ADGRB3: variants seen among roughly 807,000 people sequenced by gnomAD.
The protein encoded by ADGRB3 is adhesion G protein-coupled receptor B3, also known as brain-specific angiogenesis inhibitor 3.
A neutral mutation model predicts 193.4 loss-of-function variants in ADGRB3; 37 were observed. That is an observed-to-expected ratio of 0.19 (90% CI 0.15 to 0.25). ADGRB3 has a LOEUF of 0.25. Among genes scored for constraint, ADGRB3 ranks in the 10% least tolerant of loss-of-function variants. ADGRB3 has a pLI of 1.00. For synonymous variants in ADGRB3, 690 were observed against 644.2 expected (o/e 1.07, Z -1.08); for missense variants, 1,637 against 1,852.9 (o/e 0.88, Z 2.14).
intron 20 of ADGRB3, among the ~76,000 whole-genome samples, chr6:69,288,240 C>T (rs965684491): frequency 3.3e-5 from 5 of 152,084 alleles, no homozygotes; most frequent in African/African-American, 1.2e-4. Flanking sequence ...ATGTTCCCCT[C>T]CCTGTGTCCA....
At chr6:69,232,285 T>C (rs1395431438) in intron 17 of ADGRB3, 3 of 672,352 alleles carry the variant, frequency 4.5e-6, no homozygotes, top group Non-Finnish European at 4.3e-6. Context: ...TTTTTTTCTT[T>C]TTCTCTCTTC....
At chr6:69,290,452 T>A (rs960345980) in intron 20 of ADGRB3, among the ~76,000 whole-genome samples, 2 of 148,110 alleles carry the variant, frequency 1.4e-5, no homozygotes, top group Admixed American at 1.4e-4. Context: ...AAATTGAGAC[T>A]GAGAGAGAGA....
chr6:69,003,292 T>C (rs1160110416), intron 11 of ADGRB3, among the ~76,000 whole-genome samples: 1 of 152,196 alleles, frequency 6.6e-6, no homozygotes, highest in African/African-American at 2.4e-5. Context: ...AGGTTGAATG[T>C]TTCTCATGGA....
At chr6:69,206,463 A>G (rs1385627635) in intron 17 of ADGRB3, among the ~76,000 whole-genome samples, 1 of 152,080 alleles carries the variant, frequency 6.6e-6, no homozygotes, top group Non-Finnish European at 1.5e-5. Context: ...AACCATCACA[A>G]GTCCACCCTT....
intron 3 of ADGRB3, among the ~76,000 whole-genome samples, chr6:68,811,218 T>G (rs1027437890): frequency 2.6e-5 from 4 of 152,160 alleles, no homozygotes; most frequent in Non-Finnish European, 5.9e-5. Flanking sequence ...TTCTATTTTT[T>G]AAGCCACAGT....
intron 17 of ADGRB3, among the ~76,000 whole-genome samples, chr6:69,106,848 C>T (rs1051577995): frequency 2.0e-5 from 3 of 152,138 alleles, no homozygotes; most frequent in Admixed American, 6.5e-5. Flanking sequence ...AGGATGTAAA[C>T]GTGCTTAGAG....
intron 17 of ADGRB3, among the ~76,000 whole-genome samples, chr6:69,177,959 G>A (rs1775473343): frequency 1.3e-5 from 2 of 152,132 alleles, no homozygotes; most frequent in Non-Finnish European, 2.9e-5. Flanking sequence ...GCTCCAATTG[G>A]TCAAGTGTCA....
chr6:68,879,634 G>A (rs1392358573), intron 3 of ADGRB3, among the ~76,000 whole-genome samples: 1 of 152,122 alleles, frequency 6.6e-6, no homozygotes, highest in Non-Finnish European at 1.5e-5. Context: ...AAGCATGTGT[G>A]TGTGCATCTT....
intron 20 of ADGRB3, among the ~76,000 whole-genome samples, chr6:69,259,948 G>A (rs996757184): frequency 6.6e-6 from 1 of 152,036 alleles, no homozygotes; most frequent in Non-Finnish European, 1.5e-5. Flanking sequence ...AGAAAAGTTA[G>A]CCAAAAATTT....
intron 3 of ADGRB3, among the ~76,000 whole-genome samples, chr6:68,847,411 C>A (rs111996816): frequency 0.13 from 20,403 of 152,104 alleles, 1,828 homozygotes; most frequent in Middle Eastern, 0.2. Context: ...TGTCCACATC[C>A]AAATCTCATC....
chr6:69,235,148 TTGATAGACC>T lies in ADGRB3; in HGVS notation c.2711+17_2711+25del. ...CAGCATTATGGAGGTAAGTAATCAA[TTGATAGACC>T]TGAAATGCAATGCTTAGTTGTTCAT... On this transcript the variant is annotated intron_variant, in intron 19 of 31. Transcript: ENST00000370598. 1.3e-6 allele frequency: 2 copies of T among 1,544,580 alleles called. No individual in the cohort carries two copies. The highest frequency in any genetic ancestry group is 1.8e-6 in the Non-Finnish European group (2 of 1,119,740).
intron 17 of ADGRB3, among the ~76,000 whole-genome samples, chr6:69,120,998 TC>T (rs1199084551): frequency 2.4e-5 from 3 of 124,156 alleles, no homozygotes; most frequent in Non-Finnish European, 3.5e-5. Flanking sequence ...TATGCAGTTA[TC>T]TTTTTTTTTT....
intron 17 of ADGRB3, among the ~76,000 whole-genome samples, chr6:69,083,655 T>G (rs535217671): frequency 2.0e-5 from 3 of 152,254 alleles, no homozygotes; most frequent in South Asian, 4.1e-4. Flanking sequence ...TTGACTGACT[T>G]ACTCCAAGAT....
intron 3 of ADGRB3, among the ~76,000 whole-genome samples, chr6:68,916,156 T>C (rs1233288216): frequency 6.6e-6 from 1 of 151,710 alleles, no homozygotes; most frequent in Non-Finnish European, 1.5e-5. Context: ...AAACTATGAA[T>C]AAGAAAGAAT....
chr6:69,216,087 A>G (rs901794072), intron 17 of ADGRB3, among the ~76,000 whole-genome samples: 6 of 152,170 alleles, frequency 3.9e-5, no homozygotes, highest in Non-Finnish European at 7.4e-5. Context: ...CTTTATTTTA[A>G]ATATTATAAT....
At chr6:69,073,677 C>G (rs1414582792) in intron 16 of ADGRB3, among the ~76,000 whole-genome samples, 1 of 152,134 alleles carries the variant, frequency 6.6e-6, no homozygotes, top group Non-Finnish European at 1.5e-5. Flanking sequence ...ACTGCACAGG[C>G]CTTGGAAGTT....
At chr6:68,642,983 TA>T (rs1174066732) in intron 3 of ADGRB3, among the ~76,000 whole-genome samples, 19 of 152,294 alleles carry the variant, frequency 1.2e-4, no homozygotes, top group African/African-American at 4.6e-4. Flanking sequence ...AAATGTGGAA[TA>T]AAAATATCTT....
chr6:68,925,546 G>C (rs1406557536), intron 3 of ADGRB3, among the ~76,000 whole-genome samples: 1 of 151,868 alleles, frequency 6.6e-6, no homozygotes, highest in East Asian at 1.9e-4. Context: ...TTTCTTGTTA[G>C]GTTGTGATAA....
At chr6:69,375,856 T>C (rs550805431) in intron 30 of ADGRB3, among the ~76,000 whole-genome samples, 47 of 152,004 alleles carry the variant, frequency 3.1e-4, no homozygotes, top group Admixed American at 8.5e-4. Context: ...GGCGGGAGAA[T>C]TGATTGAATC....
Sources: gnomAD v4.1 joint callset for allele counts (sites outside exome capture counted in the v4.1 genomes callset) on GRCh38, gnomAD v4.1.1 for gene constraint, MANE v1.5 for transcripts, NCBI Gene and HGNC (gene_info 2026-07-23, HGNC 2026-07-21) for gene names.